DLGAP2: variants seen among roughly 807,000 people sequenced by gnomAD.
DLGAP2 encodes the protein disks large-associated protein 2.
A neutral mutation model predicts 100.3 loss-of-function variants in DLGAP2; 26 were observed. That is an observed-to-expected ratio of 0.26 (90% confidence interval 0.19 to 0.36). The LOEUF is 0.36. DLGAP2 is among the 10% of genes least tolerant of loss of function. DLGAP2 has a pLI of 1.00. For synonymous variants in DLGAP2, 886 were observed against 630.1 expected (o/e 1.41, Z -6.08); for missense variants, 1,858 against 1,453.2 (o/e 1.28, Z -4.53).
chr8:1,052,202 C>T (rs963926111), intron 2 of DLGAP2, among the ~76,000 whole-genome samples: 2 of 152,164 alleles, frequency 1.3e-5, no homozygotes, highest in African/African-American at 2.4e-5. Flanking sequence ...CTCTGACCAC[C>T]CCTTCCCCCC....
chr8:1,265,944 T>C (rs566770509), intron 3 of DLGAP2, among the ~76,000 whole-genome samples: 1 of 152,322 alleles, frequency 6.6e-6, no homozygotes, highest in Non-Finnish European at 1.5e-5. Context: ...CATTGTTTAA[T>C]GATAAACGGA....
chr8:1,327,253 T>A (rs772870989), intron 3 of DLGAP2, among the ~76,000 whole-genome samples: 4 of 152,222 alleles, frequency 2.6e-5, no homozygotes, highest in Non-Finnish European at 5.9e-5. Context: ...CCAACCAGGG[T>A]CCCTTGGCCA....
intron 2 of DLGAP2, among the ~76,000 whole-genome samples, chr8:1,053,266 A>T (rs767240024): frequency 1.3e-5 from 2 of 152,136 alleles, no homozygotes; most frequent in Non-Finnish European, 2.9e-5. Flanking sequence ...AAATTATTTA[A>T]TGCTATCAGA....
chr8:1,115,945 A>G (rs190176479), intron 2 of DLGAP2, among the ~76,000 whole-genome samples: 90 of 152,324 alleles, frequency 5.9e-4, no homozygotes, highest in African/African-American at 2.0e-3. Flanking sequence ...ATCTTCTAGA[A>G]GGCATGAGAG....
At chr8:798,091 C>G (rs1197749385) in intron 1 of DLGAP2, among the ~76,000 whole-genome samples, 1 of 152,222 alleles carries the variant, frequency 6.6e-6, no homozygotes. Context: ...CCTGTTGCAT[C>G]TTCACCAGGC....
intron 10 of DLGAP2, among the ~76,000 whole-genome samples, chr8:1,669,999 G>T (rs1182620351): frequency 6.6e-6 from 1 of 152,096 alleles, no homozygotes; most frequent in Admixed American, 6.5e-5. Flanking sequence ...GGGCTCCGGC[G>T]CCGGTAAGCA....
intron 1 of DLGAP2, among the ~76,000 whole-genome samples, chr8:902,253 G>A (rs758300009): frequency 5.3e-5 from 8 of 152,118 alleles, no homozygotes; most frequent in South Asian, 2.1e-4. Flanking sequence ...CTGGATAGGA[G>A]TCCTCGCTGA....
At chr8:1,151,485 C>T (rs1033763391) in intron 2 of DLGAP2, among the ~76,000 whole-genome samples, 5 of 152,132 alleles carry the variant, frequency 3.3e-5, no homozygotes, top group Admixed American at 1.3e-4. Flanking sequence ...CGAAGATGAA[C>T]GGGAGAGGAG....
intron 1 of DLGAP2, among the ~76,000 whole-genome samples, chr8:755,523 AACTGAGCTCTG>A (rs1563413523): frequency 6.6e-6 from 1 of 152,226 alleles, no homozygotes; most frequent in African/African-American, 2.4e-5. Context: ...TCTTAATTAT[AACTGAGCTCTG>A]ACTGTGGGAG....
chr8:803,565 G>A (rs1037174147), intron 1 of DLGAP2, among the ~76,000 whole-genome samples: 2 of 151,916 alleles, frequency 1.3e-5, no homozygotes, highest in Admixed American at 6.6e-5. Context: ...GATGCCCACC[G>A]AGAAGCATCA....
intron 2 of DLGAP2, among the ~76,000 whole-genome samples, chr8:1,132,101 A>G (rs541033404): frequency 6.6e-6 from 1 of 152,350 alleles, no homozygotes; most frequent in African/African-American, 2.4e-5. Context: ...AATGAATGAC[A>G]GTTTTTCATT....
At chr8:1,392,633 A>G (rs903365616) in intron 3 of DLGAP2, among the ~76,000 whole-genome samples, 2 of 152,068 alleles carry the variant, frequency 1.3e-5, no homozygotes, top group Non-Finnish European at 1.5e-5. Context: ...TGGTGTGGAA[A>G]CCCGTGGGGA....
intron 4 of DLGAP2, among the ~76,000 whole-genome samples, chr8:1,519,440 G>A (rs1026508523): frequency 2.0e-5 from 3 of 152,184 alleles, no homozygotes; most frequent in Non-Finnish European, 4.4e-5. Context: ...TGCAATTCAA[G>A]GTTGGATCCA....
At chr8:1,160,078 C>G (rs1796860602) in intron 2 of DLGAP2, among the ~76,000 whole-genome samples, 2 of 152,256 alleles carry the variant, frequency 1.3e-5, no homozygotes, top group Admixed American at 6.5e-5. Flanking sequence ...ACAGGCGGAA[C>G]TTCCATCTCC....
At chr8:759,864 C>T (rs919441873) in intron 1 of DLGAP2, among the ~76,000 whole-genome samples, 2 of 152,206 alleles carry the variant, frequency 1.3e-5, no homozygotes, top group Non-Finnish European at 1.5e-5. Context: ...ACCTTAATTT[C>T]TTGCTCTGTC....
intron 2 of DLGAP2, among the ~76,000 whole-genome samples, chr8:1,044,201 C>A (rs10086548): frequency 0.22 from 33,915 of 152,164 alleles, 4,090 homozygotes; most frequent in African/African-American, 0.28. Context: ...TTGAGAGGAA[C>A]TGGTGGTCAT....
chr8:1,105,618 GTTT>G (rs36027314), intron 2 of DLGAP2, among the ~76,000 whole-genome samples: 2 of 140,242 alleles, frequency 1.4e-5, no homozygotes, highest in Non-Finnish European at 1.5e-5. Flanking sequence ...CCATTCTAGG[GTTT>G]TTTTTTTTTT....
intron 2 of DLGAP2, among the ~76,000 whole-genome samples, chr8:1,157,283 G>A (rs147449746): frequency 2.6e-5 from 4 of 152,212 alleles, no homozygotes; most frequent in East Asian, 3.9e-4. Flanking sequence ...GCACAGATGC[G>A]GGCTGTGATG....
At chr8:1,630,151 G>C (rs757412164) in intron 7 of DLGAP2, among the ~76,000 whole-genome samples, 1 of 152,062 alleles carries the variant, frequency 6.6e-6, no homozygotes, top group Admixed American at 6.6e-5. Context: ...AAAAAAAAAA[G>C]TGTTATTCAA....
Sources: gnomAD v4.1 joint callset for allele counts (sites outside exome capture counted in the v4.1 genomes callset) on GRCh38, gnomAD v4.1.1 for gene constraint, MANE v1.5 for transcripts, NCBI Gene and HGNC (gene_info 2026-07-23, HGNC 2026-07-21) for gene names.